The following LAMA2 variants were observed in gnomAD, a reference collection of about 807,000 sequenced individuals.
The protein encoded by LAMA2 is laminin subunit alpha 2.
Under a neutral mutation model 364.8 loss-of-function variants are expected in LAMA2, and 269 were observed. The ratio of observed to expected loss-of-function variants is 0.74; its 90% CI spans 0.67 to 0.82. The LOEUF (loss-of-function observed/expected upper bound fraction) is 0.82, where lower values mean the gene tolerates loss of function less well. Ranked by LOEUF, LAMA2 falls within the 40% of genes least tolerant of loss-of-function variation. The pLI, the probability that LAMA2 is intolerant of heterozygous loss-of-function variation, is 0.00. For synonymous variants in LAMA2, 1,379 were observed against 1,370.6 expected, an observed-to-expected ratio of 1.01 and a Z score of -0.14; for missense variants, 3,807 against 3,873.2, an observed-to-expected ratio of 0.98 and a Z score of 0.45.
intron 12 of LAMA2, among the ~76,000 whole-genome samples, chr6:129,214,157 T>C (rs1217757873): frequency 6.6e-6 from 1 of 152,196 alleles, no homozygotes; most frequent in African/African-American, 2.4e-5. Context: ...TAGCTTGTGA[T>C]CCTGGGAGCT....
At chr6:129,190,156 C>A in intron 10 of LAMA2, 49 bp from the exon 11 acceptor site, 1 of 1,591,404 alleles carries the variant, frequency 6.3e-7, no homozygotes, top group South Asian at 1.1e-5. Flanking sequence ...GGACGCAGCT[C>A]ATAATGTTGA....
intron 1 of LAMA2, among the ~76,000 whole-genome samples, chr6:128,982,852 A>G (rs2114642416): frequency 6.8e-6 from 1 of 148,024 alleles, no homozygotes. Context: ...ATGAGTGAGA[A>G]CATGCGGTGT....
intron 1 of LAMA2, among the ~76,000 whole-genome samples, chr6:128,906,904 A>C (rs1439439544): frequency 1.3e-5 from 2 of 151,540 alleles, no homozygotes; most frequent in African/African-American, 2.4e-5. Flanking sequence ...TCCTTTCCCC[A>C]TTGCTTGTTT....
At position 129,485,881 on chromosome 6, in the gene LAMA2, A is replaced by T. The variant is rs552461103; in HGVS notation, c.7750-593A>T. On this transcript the variant is annotated intron_variant, in intron 55 of 64. Coordinates refer to ENST00000421865, the MANE Select transcript of LAMA2 (RefSeq NM_000426.4). The stretch of plus-strand genomic sequence containing the variant: ...CATCAGCTCTAGGGACAAGGACTGC[A>T]TTCAGGCTCCCTGGGGTTCATGATG... Among the ~76,000 whole-genome samples the T allele has an allele frequency of 1.9e-3, 296 of 152,334 alleles. 1 individual carries two copies. The highest frequency in any genetic ancestry group is 3.6e-3 in the Non-Finnish European group (243 of 68,022).
chr6:129,343,467 A>T (rs892192348), intron 30 of LAMA2, among the ~76,000 whole-genome samples: 1 of 152,126 alleles, frequency 6.6e-6, no homozygotes, highest in Non-Finnish European at 1.5e-5. Context: ...GTCAATTTTT[A>T]GGTAAGCTGG....
intron 18 of LAMA2, among the ~76,000 whole-genome samples, chr6:129,284,858 T>C (rs1394723621): frequency 2.0e-5 from 3 of 152,188 alleles, no homozygotes; most frequent in African/African-American, 7.2e-5. Context: ...CTTATTTACA[T>C]TTAAACGGCC....
intron 30 of LAMA2, among the ~76,000 whole-genome samples, chr6:129,344,497 A>G (rs138552282): frequency 6.6e-6 from 1 of 152,346 alleles, no homozygotes; most frequent in East Asian, 1.9e-4. Context: ...AAATAGGTTC[A>G]GATTGATAGA....
chr6:129,328,074 T>A (rs964332712), intron 28 of LAMA2, among the ~76,000 whole-genome samples: 12 of 152,198 alleles, frequency 7.9e-5, no homozygotes, highest in African/African-American at 2.9e-4. Flanking sequence ...AAAATCTGAT[T>A]ACACATGGAT....
At chr6:129,091,457 C>G (rs568977097) in intron 3 of LAMA2, among the ~76,000 whole-genome samples, 1 of 152,156 alleles carries the variant, frequency 6.6e-6, no homozygotes, top group African/African-American at 2.4e-5. Context: ...ATTCCTTTTT[C>G]TCTTATAATA....
intron 1 of LAMA2, chr6:128,929,713 A>C: frequency 7.2e-7 from 1 of 1,393,918 alleles, no homozygotes; most frequent in Non-Finnish European, 1.0e-6. Flanking sequence ...TGAAACCTCA[A>C]GGTCAGACCT....
intron 45 of LAMA2, among the ~76,000 whole-genome samples, chr6:129,448,287 C>G (rs530673427): frequency 6.8e-6 from 1 of 147,152 alleles, no homozygotes; most frequent in Non-Finnish European, 1.5e-5. Flanking sequence ...TGTCCCCCCC[C>G]AAAAAAAAAG....
In LAMA2 at chr6:129,408,191, G is replaced by A. The variant is rs140522415; in HGVS notation, c.5865+4232G>A. 1.7e-3 allele frequency among the ~76,000 whole-genome samples: 262 copies of A among 152,240 alleles called. 1 individual carries two copies. The highest frequency in any genetic ancestry group is 5.7e-3 in the African/African-American group (238 of 41,540). On this transcript the variant is annotated intron_variant, in intron 40 of 64. Transcript: ENST00000421865. ...CTTCCACCCCTTGATTCTGGGACAC[G>A]TGAACACTGGCTATGGGAGAAACAG...
chr6:129,220,232 T>C (rs752357900), intron 12 of LAMA2, among the ~76,000 whole-genome samples: 15 of 151,694 alleles, frequency 9.9e-5, no homozygotes, highest in Non-Finnish European at 2.1e-4. Context: ...GCTGAATAAA[T>C]ACATGACTTA....
At chr6:129,439,778 AC>A (rs1349347590) in intron 42 of LAMA2, among the ~76,000 whole-genome samples, 1 of 150,002 alleles carries the variant, frequency 6.7e-6, no homozygotes, top group African/African-American at 2.4e-5. Context: ...TAATCCTCAT[AC>A]CAATTGGAGC....
intron 2 of LAMA2, among the ~76,000 whole-genome samples, chr6:129,053,986 A>G (rs1047805758): frequency 1.3e-5 from 2 of 152,226 alleles, no homozygotes; most frequent in African/African-American, 4.8e-5. Flanking sequence ...AAGTAAAAAC[A>G]TATGGGTCAT....
At chr6:129,112,443 A>T (rs1293153827) in intron 4 of LAMA2, among the ~76,000 whole-genome samples, 1 of 152,048 alleles carries the variant, frequency 6.6e-6, no homozygotes, top group African/African-American at 2.4e-5. Context: ...ATGCGTTACA[A>T]AAAAGAGAGG....
intron 12 of LAMA2, among the ~76,000 whole-genome samples, chr6:129,236,146 A>G (rs1171887799): frequency 2.0e-5 from 3 of 152,214 alleles, no homozygotes; most frequent in African/African-American, 7.2e-5. Flanking sequence ...ACATTAGTTC[A>G]TATGAATCTC....
chr6:129,492,333 GC>G lies in LAMA2; in HGVS notation c.8096del (p.Pro2699LeufsTer29), dbSNP rs1784912657. ...CTATTAGCCCCATGGACTTTGCAAG[GC>G]CTGTGTCCTTCAAAAATGCTGACAT... ...INSVPMDFARPVSFKNADIGR... is the reference protein window; with the variant it reads ...INSVPMDFARXVSFKNADIGR... On this transcript the variant is annotated frameshift_variant, in exon 58 of 65. Transcript: ENST00000421865. LOFTEE classifies it high-confidence loss of function. The G allele has an allele frequency of 3.7e-6, 6 of 1,614,056 alleles. No homozygotes were observed. The highest frequency in any genetic ancestry group is 5.1e-6 in the Non-Finnish European group (6 of 1,179,966).
chr6:129,433,199 A>C (rs1033496887), intron 41 of LAMA2, among the ~76,000 whole-genome samples: 1 of 152,188 alleles, frequency 6.6e-6, no homozygotes, highest in African/African-American at 2.4e-5. Context: ...GTTCCGAATC[A>C]TTGTCACCAA....
Sources: allele counts gnomAD v4.1 joint callset (sites outside exome capture counted in the v4.1 genomes callset), GRCh38; gene constraint gnomAD v4.1.1; transcripts MANE v1.5; gene names NCBI Gene and HGNC (gene_info 2026-07-23, HGNC 2026-07-21).